The following TAFA5 variants were observed in gnomAD, a reference collection of about 807,000 sequenced individuals.
The protein encoded by TAFA5 is TAFA chemokine like family member 5.
A neutral mutation model predicts 15.3 loss-of-function variants in TAFA5; 6 were observed. That is an observed-to-expected ratio of 0.39 (90% confidence interval 0.21 to 0.77). The LOEUF (loss-of-function observed/expected upper bound fraction) is 0.77. Among genes scored for constraint, TAFA5 ranks in the 30% least tolerant of loss-of-function variants. The pLI, the probability that TAFA5 is intolerant of heterozygous loss-of-function variation, is 0.41. For missense variants in TAFA5, 161 were observed against 193.1 expected (o/e 0.83, Z 0.98); for synonymous variants, 103 against 80.7 (o/e 1.28, Z -1.48).
intron 1 of TAFA5, among the ~76,000 whole-genome samples, chr22:48,599,401 G>A (rs28510152): frequency 0.17 from 26,642 of 152,260 alleles, 2,506 homozygotes; most frequent in East Asian, 0.39. Flanking sequence ...TTACTGCTTC[G>A]CATCGTTTGG....
chr22:48,676,152 C>T lies in TAFA5; in HGVS notation c.262+29406C>T, dbSNP rs1041330650. Among the ~76,000 whole-genome samples the T allele has an allele frequency of 2.0e-5, 3 of 152,366 alleles. No individual in the cohort carries two copies. In the East Asian group the frequency reaches 5.8e-4, roughly 29 times the overall value. Reference sequence around the variant, plus strand: ...CAGCAGCCAGCCTCAAAGATCCAGCCGTGTCCCCAGCCTGCCCAGTCAAAG... The same window carrying T: ...CAGCAGCCAGCCTCAAAGATCCAGCTGTGTCCCCAGCCTGCCCAGTCAAAG... On this transcript the variant is annotated intron_variant, in intron 2 of 3. Coordinates refer to ENST00000402357, the MANE Select transcript of TAFA5 (RefSeq NM_001082967.3).
intron 1 of TAFA5, among the ~76,000 whole-genome samples, chr22:48,620,645 A>ACCCACCATCCACCATCCTATCCACCCC (rs1925773317): frequency 3.3e-5 from 2 of 60,014 alleles, no homozygotes; most frequent in Middle Eastern, 8.9e-3. Context: ...CTATCCACCC[A>ACCCACCATCCACCATCCTATCCACCCC]CCCACCATCC....
intron 1 of TAFA5, among the ~76,000 whole-genome samples, chr22:48,514,777 T>C (rs1024923074): frequency 2.0e-5 from 3 of 152,254 alleles, no homozygotes; most frequent in African/African-American, 7.2e-5. Flanking sequence ...ACTGGTCATG[T>C]GACCTTCCTT....
At chr22:48,648,116 T>G (rs1192557817) in intron 2 of TAFA5, among the ~76,000 whole-genome samples, 1 of 152,200 alleles carries the variant, frequency 6.6e-6, no homozygotes, top group Non-Finnish European at 1.5e-5. Context: ...CGTGGCATCC[T>G]GCACTGAAAC....
At chr22:48,671,066 A>C (rs16999684) in intron 2 of TAFA5, among the ~76,000 whole-genome samples, 49,547 of 152,092 alleles carry the variant, frequency 0.33, 9,954 homozygotes, top group African/African-American at 0.58. Context: ...ACACACCAAG[A>C]TGGGAGGAAT....
chr22:48,693,113 A>C, intron 2 of TAFA5: 1 of 631,926 alleles, frequency 1.6e-6, no homozygotes. Flanking sequence ...GCCCACTCGG[A>C]TTCCCAGTAG....
At chr22:48,515,307 AGCCCAGGGCTT>A (rs1921365130) in intron 1 of TAFA5, among the ~76,000 whole-genome samples, 1 of 151,790 alleles carries the variant, frequency 6.6e-6, no homozygotes, top group Non-Finnish European at 1.5e-5. Context: ...CAAATGCTGG[AGCCCAGGGCTT>A]GCGCAGGCAG....
intron 1 of TAFA5, among the ~76,000 whole-genome samples, chr22:48,617,936 A>G (rs898170194): frequency 5.3e-5 from 8 of 152,140 alleles, no homozygotes; most frequent in African/African-American, 1.9e-4. Context: ...TGGTAACCTC[A>G]GTTGTTACTC....
chr22:48,557,023 G>T (rs1923063896), intron 1 of TAFA5, among the ~76,000 whole-genome samples: 1 of 152,180 alleles, frequency 6.6e-6, no homozygotes, highest in South Asian at 2.1e-4. Flanking sequence ...GCCTGGCGTG[G>T]TCACCAGGGG....
intron 1 of TAFA5, chr22:48,539,379 G>A (rs751894414): frequency 1.5e-5 from 7 of 471,198 alleles, no homozygotes; most frequent in East Asian, 6.9e-5. Flanking sequence ...GTGGCCGGGC[G>A]GTGATCACTC....
chr22:48,647,624 GC>G (rs910923850), intron 2 of TAFA5, among the ~76,000 whole-genome samples: 1 of 152,142 alleles, frequency 6.6e-6, no homozygotes, highest in African/African-American at 2.4e-5. Flanking sequence ...GGGCATGTAG[GC>G]CCGGCATTAA....
intron 3 of TAFA5, among the ~76,000 whole-genome samples, chr22:48,731,573 C>T (rs1929869651): frequency 6.6e-6 from 1 of 152,186 alleles, no homozygotes; most frequent in African/African-American, 2.4e-5. Context: ...CTGAAAACCC[C>T]AGGTCCTTGA....
chr22:48,590,829 T>C (rs1924540790), intron 1 of TAFA5, among the ~76,000 whole-genome samples: 1 of 152,040 alleles, frequency 6.6e-6, no homozygotes, highest in Non-Finnish European at 1.5e-5. Context: ...TGGTGTTTAG[T>C]CTTTTTGTTC....
intron 1 of TAFA5, among the ~76,000 whole-genome samples, chr22:48,519,858 T>TA (rs1469435873): frequency 6.6e-6 from 1 of 152,014 alleles, no homozygotes; most frequent in African/African-American, 2.4e-5. Flanking sequence ...GGAAACAGGG[T>TA]AATGGCAGGG....
chr22:48,538,464 A>G (rs1398741514), intron 1 of TAFA5, among the ~76,000 whole-genome samples: 1 of 152,206 alleles, frequency 6.6e-6, no homozygotes, highest in African/African-American at 2.4e-5. Flanking sequence ...AGTATCGTCC[A>G]TGTGGAACTT....
At chr22:48,688,472 G>A (rs1426357027) in intron 2 of TAFA5, among the ~76,000 whole-genome samples, 1 of 152,208 alleles carries the variant, frequency 6.6e-6, no homozygotes, top group Non-Finnish European at 1.5e-5. Flanking sequence ...TTCTCCTGGA[G>A]TCTTGTCTTG....
chr22:48,606,558 GA>G (rs1413664402), intron 1 of TAFA5, among the ~76,000 whole-genome samples: 2 of 152,208 alleles, frequency 1.3e-5, no homozygotes, highest in African/African-American at 2.4e-5. Context: ...AGAGTGGTGG[GA>G]TTATCTGTGG....
rs1197219539 is a variant in TAFA5, at chr22:48,655,830, C to CTTTTTTTTTTTTTT, written c.262+9098_262+9111dup. Among the ~76,000 whole-genome samples the CTTTTTTTTTTTTTT allele has an allele frequency of 1.1e-4, 7 of 62,404 alleles. 1 individual carries two copies. Among genetic ancestry groups the CTTTTTTTTTTTTTT allele is most frequent in the East Asian group, 1.3e-3 (2 of 1,530 alleles). 40.9% of individuals were successfully genotyped at this position (62,404 alleles called of 152,430 possible). A position where few individuals can be genotyped will look rare whatever the true frequency, so the allele number is the denominator to read the frequency against. On this transcript the variant is annotated intron_variant, in intron 2 of 3. Coordinates refer to ENST00000402357, the MANE Select transcript of TAFA5 (RefSeq NM_001082967.3). ...GGCTTCCTGAAGCCAAACACTGATT[C>CTTTTTTTTTTTTTT]TTTTTTTTTTTTTTTTTTTTTTTTT...
rs576900893 is a variant in TAFA5, at chr22:48,678,448, G to A, written c.263-29269G>A. Among the ~76,000 whole-genome samples the A allele has an allele frequency of 7.9e-5, 12 of 152,298 alleles. 1 individual carries two copies. The East Asian group carries it at 1.2e-3, about 15-fold the overall frequency. On this transcript the variant is annotated intron_variant, in intron 2 of 3. Coordinates refer to ENST00000402357, the MANE Select transcript of TAFA5 (RefSeq NM_001082967.3). Reference sequence around the variant, plus strand: ...TGTGCAGAGGAACCAGGAAGAGGTCGGGCACCAGGCGAGAATGCTGAGGCC... The same window carrying A: ...TGTGCAGAGGAACCAGGAAGAGGTCAGGCACCAGGCGAGAATGCTGAGGCC...
Sources: gnomAD v4.1 joint callset for allele counts (sites outside exome capture counted in the v4.1 genomes callset) on GRCh38, gnomAD v4.1.1 for gene constraint, MANE v1.5 for transcripts, NCBI Gene and HGNC (gene_info 2026-07-23, HGNC 2026-07-21) for gene names.